RTN4: variants seen among roughly 807,000 people sequenced by gnomAD.
The protein encoded by RTN4 is reticulon-4.
A neutral mutation model predicts 90.4 loss-of-function variants in RTN4; 32 were observed. The ratio of observed to expected loss-of-function variants is 0.35; its 90% CI spans 0.27 to 0.48. The LOEUF (loss-of-function observed/expected upper bound fraction) is 0.48. Ranked by LOEUF, RTN4 falls within the 20% of genes least tolerant of loss-of-function variation. The probability of loss-of-function intolerance (pLI) is 0.99; values close to 1 mark genes in which losing one functional copy is unlikely to be tolerated. For synonymous variants in RTN4, 629 were observed against 552.5 expected (o/e 1.14, Z -1.94); for missense variants, 1,706 against 1,430.2 (o/e 1.19, Z -3.11).
At chr2:54,991,385 G>C (rs1679003259) in intron 3 of RTN4, among the ~76,000 whole-genome samples, 2 of 152,150 alleles carry the variant, frequency 1.3e-5, no homozygotes. Flanking sequence ...TTTATAATTA[G>C]TCTATAATTT....
the RTN4 span, among the ~76,000 whole-genome samples, chr2:55,118,970 G>T: frequency 6.6e-6 from 1 of 152,228 alleles, no homozygotes; most frequent in African/African-American, 2.4e-5. Context: ...AAGCTGAGGT[G>T]CTAGTGAGGC....
At chr2:55,091,564 G>C (rs531778078) in intron 1 of RTN4, among the ~76,000 whole-genome samples, 2 of 152,284 alleles carry the variant, frequency 1.3e-5, no homozygotes, top group Admixed American at 1.3e-4. Context: ...GCAGTAGCTT[G>C]TACCTAGAAT....
chr2:55,133,332 G>C, the RTN4 span, among the ~76,000 whole-genome samples: 1 of 140,926 alleles, frequency 7.1e-6, no homozygotes, highest in Non-Finnish European at 1.6e-5. Flanking sequence ...TGGAGAATGC[G>C]GTGTTGTCTT....
chr2:55,059,355 T>C (rs1192633888), intron 2 of RTN4, among the ~76,000 whole-genome samples: 1 of 151,864 alleles, frequency 6.6e-6, no homozygotes, highest in Admixed American at 6.6e-5. Context: ...GAAATTTAAT[T>C]AATACTTTTT....
At chr2:55,102,489 A>G (rs180951636) in intron 1 of RTN4, among the ~76,000 whole-genome samples, 1 of 152,126 alleles carries the variant, frequency 6.6e-6, no homozygotes, top group African/African-American at 2.4e-5. Flanking sequence ...GACGCTAAAA[A>G]TTTTAATGTT....
chr2:55,049,631 C>T, intron 1 of RTN4, 114 bp downstream of exon 1: 1 of 1,505,824 alleles, frequency 6.6e-7, no homozygotes, highest in Admixed American at 2.0e-5. Flanking sequence ...CCGAAGTCCG[C>T]AGACAAAGCG....
intron 1 of RTN4, among the ~76,000 whole-genome samples, chr2:55,109,528 T>C (rs1395320214): frequency 2.0e-5 from 3 of 152,176 alleles, no homozygotes; most frequent in African/African-American, 4.8e-5. Flanking sequence ...CAAGGACATT[T>C]ATCTCTGGAA....
At chr2:55,097,224 C>T (rs984951252) in intron 1 of RTN4, among the ~76,000 whole-genome samples, 7 of 151,302 alleles carry the variant, frequency 4.6e-5, no homozygotes, top group African/African-American at 1.7e-4. Context: ...ATTGCTTGAG[C>T]CCAGGAGGTC....
exon 1 of RTN4, chr2:55,112,616 G>C (rs1481038753): frequency 6.6e-6 from 1 of 152,344 alleles, no homozygotes; most frequent in Non-Finnish European, 1.5e-5. Flanking sequence ...AGTCCTCAGA[G>C]GCCCTGCTGG....
chr2:55,003,430 G>C (rs998144403), intron 3 of RTN4, among the ~76,000 whole-genome samples: 1 of 152,074 alleles, frequency 6.6e-6, no homozygotes, highest in Non-Finnish European at 1.5e-5. Context: ...CTAAGGGGCA[G>C]CTGAATCAAA....
chr2:55,066,624 G>T (rs535151009), intron 2 of RTN4, among the ~76,000 whole-genome samples: 1 of 152,176 alleles, frequency 6.6e-6, no homozygotes, highest in South Asian at 2.1e-4. Flanking sequence ...AACCCGGGAA[G>T]CGGAGGTTGC....
chr2:55,027,368 G>A lies in RTN4; in HGVS notation c.731C>T (p.Ala244Val), dbSNP rs1463027445. ...AAGGTATTCATGTTCTTTGAAAGAA[G>A]CGGCTGAGAGAGGAGACAGAGAAGG... The part of the protein sequence containing the change: ...SLPSLSPLSA[A>V]SFKEHEYLGN... The change falls in exon 3 of 9, where the codon GCT becomes GTT. Residue 244 changes from alanine to valine, a missense_variant. Transcript: ENST00000337526. 1.2e-6 allele frequency: 2 copies of A among 1,613,678 alleles called. No individual in the cohort carries two copies. The highest frequency in any genetic ancestry group is 2.2e-5 in the East Asian group (1 of 44,862).
chr2:55,024,966 C>G (rs1273711751), intron 3 of RTN4, 120 bp downstream of exon 3: 1 of 1,243,080 alleles, frequency 8.0e-7, no homozygotes, highest in African/African-American at 1.5e-5. Flanking sequence ...GTGGAGAAGA[C>G]TTCTTACCAA....
rs1375403136 is a variant in RTN4, at chr2:54,981,386, T to C, written c.3360+1129A>G. On this transcript the variant is annotated intron_variant, in intron 5 of 8. Transcript: ENST00000337526. ...GCCCAGTCACCTTATTACTACTATA[T>C]CCTTGGCATGTGTGATAAATATAAA... is the stretch of plus-strand genomic sequence containing the variant. Among the ~76,000 whole-genome samples, 5 of 152,108 alleles carry C rather than the reference T, an allele frequency of 3.3e-5. No individual in the cohort carries two copies. In the East Asian group the frequency reaches 9.6e-4, roughly 29 times the overall value.
chr2:55,136,341 C>T, the RTN4 span, among the ~76,000 whole-genome samples: 5 of 152,212 alleles, frequency 3.3e-5, no homozygotes, highest in East Asian at 7.7e-4. Context: ...ACTGTGCATA[C>T]AGACAGCCCA....
chr2:55,102,839 C>T (rs1332804647), intron 1 of RTN4, among the ~76,000 whole-genome samples: 1 of 152,024 alleles, frequency 6.6e-6, no homozygotes. Context: ...ACTATCGTGG[C>T]CGGGTGCGGT....
chr2:55,042,035 T>G (rs919216035), intron 1 of RTN4, among the ~76,000 whole-genome samples: 3 of 151,944 alleles, frequency 2.0e-5, no homozygotes, highest in Non-Finnish European at 4.4e-5. Context: ...CCCAAAAGAA[T>G]AGGCAAAAGC....
chr2:54,978,411 A>T (rs1317430931), intron 5 of RTN4, among the ~76,000 whole-genome samples: 2 of 142,262 alleles, frequency 1.4e-5, no homozygotes, highest in East Asian at 4.2e-4. Context: ...AGCCTGGGTG[A>T]CACAGCGAGA....
At chr2:54,997,433 A>T (rs1301977684) in intron 3 of RTN4, among the ~76,000 whole-genome samples, 1 of 152,182 alleles carries the variant, frequency 6.6e-6, no homozygotes, top group Non-Finnish European at 1.5e-5. Context: ...GCCACTGTGA[A>T]AAACAATTTG....
Sources: allele counts gnomAD v4.1 joint callset (sites outside exome capture counted in the v4.1 genomes callset), GRCh38; gene constraint gnomAD v4.1.1; transcripts MANE v1.5; gene names NCBI Gene and HGNC (gene_info 2026-07-23, HGNC 2026-07-21).